Variants in ZFP90 observed in about 807,000 individuals in gnomAD.
ZFP90 encodes the protein ZFP90 zinc finger protein.
ZFP90 carries 38 observed loss-of-function variants against 60.8 expected under a neutral mutation model. That is an observed-to-expected ratio of 0.62 (90% confidence interval 0.48 to 0.82). The LOEUF is 0.82. Ranked by LOEUF, ZFP90 falls within the 40% of genes least tolerant of loss-of-function variation. The probability of loss-of-function intolerance (pLI) is 0.00; values close to 1 mark genes in which losing one functional copy is unlikely to be tolerated. For missense variants in ZFP90, 711 were observed against 759.1 expected (o/e 0.94, Z 0.74); for synonymous variants, 287 against 264.8 (o/e 1.08, Z -0.82).
chr16:68,541,279 C>T (rs1200675620), intron 2 of ZFP90, among the ~76,000 whole-genome samples: 1 of 151,978 alleles, frequency 6.6e-6, no homozygotes, highest in Non-Finnish European at 1.5e-5. Context: ...GTCAATTGAT[C>T]CGCCCACGTT....
At position 68,539,744 on chromosome 16, in the gene ZFP90, T is replaced by G. The variant is rs780498261; in HGVS notation, c.-35-14T>G. 3 of 1,542,014 alleles carry G rather than the reference T, an allele frequency of 1.9e-6. No homozygotes were observed. The highest frequency in any genetic ancestry group is 2.6e-6 in the Non-Finnish European group (3 of 1,143,050). Reference sequence around the variant, plus strand: ...GTTGCAGCGGGGTGAGTGGGCCCTGTCCTTTCTCCCCAGCTCCTGCCCCGG... The same window carrying G: ...GTTGCAGCGGGGTGAGTGGGCCCTGGCCTTTCTCCCCAGCTCCTGCCCCGG... On this transcript the variant is annotated splice_polypyrimidine_tract_variant and intron_variant, in intron 1 of 4. Transcript: ENST00000563169.
intron 2 of ZFP90, among the ~76,000 whole-genome samples, chr16:68,544,864 C>CTTTTTT (rs71148911): frequency 1.5e-5 from 1 of 66,564 alleles, no homozygotes; most frequent in African/African-American, 6.2e-5. Flanking sequence ...CTGTGAACAC[C>CTTTTTT]TTTTTTTTTT....
chr16:68,548,958 A>G (rs12921494), intron 2 of ZFP90, among the ~76,000 whole-genome samples: 88,103 of 151,886 alleles, frequency 0.58, 26,089 homozygotes, highest in East Asian at 0.82. Flanking sequence ...TTAATTCACT[A>G]ACCCATGTGT....
chr16:68,573,129 G>T (rs184957145), intron 2 of ZFP90, among the ~76,000 whole-genome samples: 1 of 152,364 alleles, frequency 6.6e-6, no homozygotes, highest in African/African-American at 2.4e-5. Flanking sequence ...AAACCCAGAT[G>T]TATGTTCACC....
At position 68,558,508 on chromosome 16, in the gene ZFP90, T is replaced by C; in HGVS notation, c.196T>C (p.Leu66=). The C allele has an allele frequency of 1.2e-6, 2 of 1,613,934 alleles. No homozygotes were observed. Among genetic ancestry groups the C allele is most frequent in the Non-Finnish European group, 1.7e-6 (2 of 1,179,984 alleles). Residue 66 remains leucine (L), a synonymous_variant, in exon 4 of 5, where the codon TTG becomes CTG. Transcript: ENST00000563169. The part of the protein sequence containing the change: ...QVSKPEVIFK[L]EQGEEPWISE... The stretch of plus-strand genomic sequence containing the variant: ...TTCCAAGCCAGAGGTGATCTTCAAA[T>C]TGGAGCAAGGAGAAGAGCCATGGAT...
chr16:68,539,746 C>A lies in ZFP90; in HGVS notation c.-35-12C>A. 6.5e-7 allele frequency: 1 copy of A among 1,545,406 alleles called. No individual in the cohort carries two copies. On this transcript the variant is annotated splice_polypyrimidine_tract_variant and intron_variant, in intron 1 of 4. Coordinates refer to ENST00000563169, the MANE Select transcript of ZFP90 (RefSeq NM_001305203.2). ...TGCAGCGGGGTGAGTGGGCCCTGTC[C>A]TTTCTCCCCAGCTCCTGCCCCGGAG...
In ZFP90 at chr16:68,563,238, C is replaced by G; in HGVS notation, c.451C>G (p.Pro151Ala). 2 of 1,613,518 alleles carry G rather than the reference C, an allele frequency of 1.2e-6. No homozygotes were observed. Among genetic ancestry groups the G allele is most frequent in the Non-Finnish European group, 1.7e-6 (2 of 1,179,838 alleles). ...EASTQKKIIT[P>A]QENFEQNKFG... ...ATCCACCCAGAAGAAAATAATTACA[C>G]CACAAGAAAATTTTGAGCAAAATAA... Residue 151 changes from proline to alanine, a missense_variant, in exon 5 of 5, where the codon CCA becomes GCA. Coordinates refer to ENST00000563169, the MANE Select transcript of ZFP90 (RefSeq NM_001305203.2).
At chr16:68,539,664 T>G in intron 1 of ZFP90, 94 bp from the exon 2 acceptor site, 5 of 921,318 alleles carry the variant, frequency 5.4e-6, no homozygotes, top group Non-Finnish European at 7.4e-6. Context: ...CCATCTCCCC[T>G]GGAGATGTGG....
chr16:68,556,500 C>A (rs1386536231), intron 2 of ZFP90, among the ~76,000 whole-genome samples: 1 of 152,208 alleles, frequency 6.6e-6, no homozygotes, highest in African/African-American at 2.4e-5. Context: ...GAAATAATCA[C>A]AGTACCTGCT....
At position 68,539,325 on chromosome 16, in the gene ZFP90, C is replaced by G. The variant is rs181520167; in HGVS notation, c.-190C>G. Reference sequence around the variant, plus strand: ...TCTGCCCCACCGCTGCGGCCATTGTCCGACCCCGGTGCGGCTGAGGCCCCT... The same window carrying G: ...TCTGCCCCACCGCTGCGGCCATTGTGCGACCCCGGTGCGGCTGAGGCCCCT... On this transcript the variant is annotated 5_prime_UTR_variant, in exon 1 of 5. Coordinates refer to ENST00000563169, the MANE Select transcript of ZFP90 (RefSeq NM_001305203.2). 102 of 170,512 alleles carry G rather than the reference C, an allele frequency of 6.0e-4. No individual in the cohort carries two copies. The highest frequency in any genetic ancestry group is 2.5e-3 in the Middle Eastern group (1 of 406). 10.6% of individuals were successfully genotyped at this position (170,512 alleles called of 1,614,324 possible). A position where few individuals can be genotyped will look rare whatever the true frequency, so the allele number is the denominator to read the frequency against.
Position 68,565,841 on chromosome 16 carries a change from T to A in ZFP90, c.*1143T>A, listed in dbSNP as rs1331442131. ...AGATTTCACCATTAAAAAAATTAAC[T>A]TGGCTAGGTATGGTGTCTCACACCT... On this transcript the variant is annotated 3_prime_UTR_variant, in exon 5 of 5. Transcript: ENST00000563169. The A allele has an allele frequency of 1.0e-6, 1 of 985,248 alleles. No homozygotes were observed. The highest frequency in any genetic ancestry group is 1.7e-5 in the African/African-American group (1 of 57,200). 61.0% of individuals were successfully genotyped at this position (985,248 alleles called of 1,614,324 possible). A position where few individuals can be genotyped will look rare whatever the true frequency, so the allele number is the denominator to read the frequency against.
chr16:68,563,002 C>A (rs2091460201), intron 4 of ZFP90, 42 bp from the exon 5 acceptor site: 1 of 1,610,238 alleles, frequency 6.2e-7, no homozygotes, highest in South Asian at 1.1e-5. Flanking sequence ...TGTATTTCAA[C>A]AGGAAGGAAT....
chr16:68,561,466 T>C (rs761250901), intron 4 of ZFP90, among the ~76,000 whole-genome samples: 7 of 152,238 alleles, frequency 4.6e-5, no homozygotes, highest in African/African-American at 1.7e-4. Flanking sequence ...AGATGTGATA[T>C]ATACTAATAT....
chr16:68,535,859 A>G (rs1241149860), upstream of ZFP90, among the ~76,000 whole-genome samples: 1 of 152,180 alleles, frequency 6.6e-6, no homozygotes, highest in Admixed American at 6.6e-5. Context: ...TTTATCCAGC[A>G]TTAAAGTTGC....
chr16:68,555,481 T>G (rs1231495597), intron 2 of ZFP90, among the ~76,000 whole-genome samples: 1 of 152,198 alleles, frequency 6.6e-6, no homozygotes, highest in African/African-American at 2.4e-5. Flanking sequence ...CACTCCTGCC[T>G]TCTTTAATAT....
intron 2 of ZFP90, among the ~76,000 whole-genome samples, chr16:68,552,337 C>T (rs1027902785): frequency 1.3e-5 from 2 of 152,142 alleles, no homozygotes; most frequent in African/African-American, 4.8e-5. Flanking sequence ...TCTTGACCTT[C>T]TAGGAGCACA....
At position 68,554,690 on chromosome 16, in the gene ZFP90, A is replaced by G. The variant is rs144427994; in HGVS notation, c.34-3308A>G. On this transcript the variant is annotated intron_variant, in intron 2 of 4. Transcript: ENST00000563169. Reference sequence around the variant, plus strand: ...AGGCCGGCCAGGCTCAGAGGCTCACACTTGTAATCTCAGCACTTTAGGAGG... The same window carrying G: ...AGGCCGGCCAGGCTCAGAGGCTCACGCTTGTAATCTCAGCACTTTAGGAGG... Among the ~76,000 whole-genome samples the G allele has an allele frequency of 3.1e-3, 465 of 152,206 alleles. 17 individuals are homozygous for G. The South Asian group carries it at 0.051, about 17-fold the overall frequency.
At chr16:68,561,827 C>T (rs919927290) in intron 4 of ZFP90, among the ~76,000 whole-genome samples, 1 of 152,032 alleles carries the variant, frequency 6.6e-6, no homozygotes, top group African/African-American at 2.4e-5. Context: ...ATTCTTATTG[C>T]AGGGTAAGGA....
downstream of ZFP90, among the ~76,000 whole-genome samples, chr16:68,576,438 T>G (rs1430378961): frequency 1.3e-5 from 2 of 152,178 alleles, no homozygotes; most frequent in Admixed American, 6.5e-5. Context: ...ATAAGATGTC[T>G]GTAAGGAGCT....
Sources: gnomAD v4.1 joint callset for allele counts (sites outside exome capture counted in the v4.1 genomes callset) on GRCh38, gnomAD v4.1.1 for gene constraint, MANE v1.5 for transcripts, NCBI Gene and HGNC (gene_info 2026-07-23, HGNC 2026-07-21) for gene names.